COL21A1: variants seen among roughly 807,000 people sequenced by gnomAD.
The protein encoded by COL21A1 is collagen alpha-1(XXI) chain.
Under a neutral mutation model 137.9 loss-of-function variants are expected in COL21A1, and 149 were observed. The ratio of observed to expected loss-of-function variants is 1.08; its 90% CI spans 0.95 to 1.24. The LOEUF is 1.24. COL21A1 is among the 50% of genes most tolerant of loss of function. The probability of loss-of-function intolerance (pLI) is 0.00; values close to 1 mark genes in which losing one functional copy is unlikely to be tolerated. For missense variants in COL21A1, 1,167 were observed against 1,158.4 expected (o/e 1.01, Z -0.11); for synonymous variants, 456 against 391.5 (o/e 1.16, Z -1.95).
intron 17 of COL21A1, among the ~76,000 whole-genome samples, chr6:56,092,105 G>GA (rs879482011): frequency 1.9e-4 from 29 of 149,422 alleles, no homozygotes; most frequent in Middle Eastern, 6.8e-3. Flanking sequence ...TCTTTTAAAA[G>GA]AAAAAAAAAC....
At chr6:56,294,855 A>G (rs1241837410) in intron 1 of COL21A1, among the ~76,000 whole-genome samples, 1 of 152,042 alleles carries the variant, frequency 6.6e-6, no homozygotes, top group African/African-American at 2.4e-5. Context: ...CCTTTATCAG[A>G]TATGGTGGCA....
At chr6:56,071,881 C>T (rs1421817736) in intron 20 of COL21A1, among the ~76,000 whole-genome samples, 4 of 151,434 alleles carry the variant, frequency 2.6e-5, no homozygotes, top group Non-Finnish European at 5.9e-5. Flanking sequence ...TAAACATGTG[C>T]CACGGTGGTT....
At chr6:56,196,090 A>G (rs4312990) in intron 1 of COL21A1, among the ~76,000 whole-genome samples, 3 of 152,202 alleles carry the variant, frequency 2.0e-5, no homozygotes, top group Non-Finnish European at 4.4e-5. Context: ...AACATGATGT[A>G]CCACATTAAA....
intron 1 of COL21A1, among the ~76,000 whole-genome samples, chr6:56,309,752 G>A (rs1406643894): frequency 6.6e-6 from 1 of 152,066 alleles, no homozygotes; most frequent in East Asian, 1.9e-4. Flanking sequence ...CTATCATAAT[G>A]GTCTTTAGAA....
At chr6:56,181,652 C>T (rs1288432823) in intron 2 of COL21A1, among the ~76,000 whole-genome samples, 5 of 152,036 alleles carry the variant, frequency 3.3e-5, no homozygotes, top group African/African-American at 1.2e-4. Flanking sequence ...CAAATAATGC[C>T]ATTTATAAGC....
chr6:56,185,424 G>GTATTTT (rs1339394474), intron 1 of COL21A1, among the ~76,000 whole-genome samples: 2 of 75,744 alleles, frequency 2.6e-5, no homozygotes, highest in Non-Finnish European at 5.1e-5. Context: ...GAAATGAACA[G>GTATTTT]TCTTTTTTTT....
chr6:56,144,548 C>A (rs1221173676), intron 10 of COL21A1, among the ~76,000 whole-genome samples: 1 of 152,142 alleles, frequency 6.6e-6, no homozygotes, highest in Non-Finnish European at 1.5e-5. Flanking sequence ...AAAAGTTAAG[C>A]CAAATGTCAT....
intron 1 of COL21A1, among the ~76,000 whole-genome samples, chr6:56,232,914 A>T (rs907410619): frequency 4.6e-5 from 7 of 151,910 alleles, no homozygotes; most frequent in Admixed American, 4.6e-4. Flanking sequence ...ACAACTCCAT[A>T]GCCTATATTG....
chr6:56,280,626 A>G (rs1024240060), intron 1 of COL21A1, among the ~76,000 whole-genome samples: 2 of 152,218 alleles, frequency 1.3e-5, no homozygotes, highest in Non-Finnish European at 2.9e-5. Context: ...ATACTTCTTG[A>G]CCAGGCCAGG....
chr6:56,382,351 G>C (rs2094010028), intron 1 of COL21A1, among the ~76,000 whole-genome samples: 1 of 152,196 alleles, frequency 6.6e-6, no homozygotes, highest in Non-Finnish European at 1.5e-5. Context: ...AAGTGGATAT[G>C]TTGTTCTTTA....
At chr6:56,218,696 G>A (rs906628042) in intron 1 of COL21A1, among the ~76,000 whole-genome samples, 4 of 152,068 alleles carry the variant, frequency 2.6e-5, no homozygotes, top group African/African-American at 7.2e-5. Context: ...AAACTTGAGC[G>A]ATTTTCTTAT....
At chr6:56,173,704 C>T (rs889146970) in intron 3 of COL21A1, among the ~76,000 whole-genome samples, 6 of 151,760 alleles carry the variant, frequency 4.0e-5, no homozygotes, top group South Asian at 2.1e-4. Context: ...AACAAAAATA[C>T]GAGGCAGACA....
chr6:56,247,928 C>T (rs1397375449), upstream of COL21A1, among the ~76,000 whole-genome samples: 4 of 152,210 alleles, frequency 2.6e-5, no homozygotes, highest in East Asian at 1.9e-4. Flanking sequence ...GGCCTGCCTC[C>T]CTTGCCCAAG....
At chr6:56,392,496 C>G (rs925012092) in intron 1 of COL21A1, among the ~76,000 whole-genome samples, 5 of 151,978 alleles carry the variant, frequency 3.3e-5, no homozygotes, top group South Asian at 2.1e-4. Flanking sequence ...CTAGCAAGAG[C>G]AATCAGACAA....
intron 1 of COL21A1, among the ~76,000 whole-genome samples, chr6:56,246,075 A>G (rs890865096): frequency 2.6e-5 from 4 of 151,306 alleles, no homozygotes; most frequent in African/African-American, 9.7e-5. Context: ...TATTTTAGCC[A>G]AAATTTTGAA....
At chr6:56,281,432 C>T (rs1376277242) in intron 1 of COL21A1, among the ~76,000 whole-genome samples, 1 of 152,138 alleles carries the variant, frequency 6.6e-6, no homozygotes, top group African/African-American at 2.4e-5. Flanking sequence ...AAAAAGGTAA[C>T]AGTGGGCATC....
chr6:56,322,044 T>C lies in COL21A1; in HGVS notation c.-39+71927A>G, dbSNP rs570604716. On this transcript the variant is annotated intron_variant, in intron 1 of 28. Coordinates refer to the COL21A1 transcript ENST00000370819. ...CAACTGGCAACAACCAGCTAAGTGG[T>C]TGGACTGAGAAAAAGCTCCAAAGCA... 4.5e-4 allele frequency among the ~76,000 whole-genome samples: 68 copies of C among 152,026 alleles called. 1 individual carries two copies. The highest frequency in any genetic ancestry group is 1.5e-3 in the African/African-American group (61 of 41,500).
chr6:56,238,662 C>T (rs1782068349), intron 1 of COL21A1, among the ~76,000 whole-genome samples: 3 of 152,068 alleles, frequency 2.0e-5, no homozygotes, highest in Admixed American at 6.6e-5. Flanking sequence ...ACTGCCCTGC[C>T]ACCTTCAGCA....
At chr6:56,083,841 G>C (rs993401307) in intron 17 of COL21A1, among the ~76,000 whole-genome samples, 3 of 151,926 alleles carry the variant, frequency 2.0e-5, no homozygotes, top group African/African-American at 7.2e-5. Flanking sequence ...AACAAAAGTA[G>C]AGCATGGCTA....
Sources: allele counts gnomAD v4.1 joint callset (sites outside exome capture counted in the v4.1 genomes callset), GRCh38; gene constraint gnomAD v4.1.1; transcripts MANE v1.5; gene names NCBI Gene and HGNC (gene_info 2026-07-23, HGNC 2026-07-21).